Variants in RNLS observed in about 807,000 individuals in gnomAD.
RNLS encodes the protein renalase, FAD dependent amine oxidase.
A neutral mutation model predicts 39.8 loss-of-function variants in RNLS; 39 were observed. That is an observed-to-expected ratio of 0.98 (90% CI 0.76 to 1.28). The LOEUF is 1.28. RNLS is among the 50% of genes most tolerant of loss of function. RNLS has a pLI of 0.00. For missense variants in RNLS, 410 were observed against 413.3 expected (o/e 0.99, Z 0.07); for synonymous variants, 147 against 150.7 (o/e 0.98, Z 0.18).
At chr10:88,246,471 T>G in the RNLS span, among the ~76,000 whole-genome samples, 1 of 152,110 alleles carries the variant, frequency 6.6e-6, no homozygotes, top group Non-Finnish European at 1.5e-5. Context: ...TCACTACTTC[T>G]GGCTTTCCCA....
intron 4 of RNLS, among the ~76,000 whole-genome samples, chr10:88,500,175 C>T (rs891710680): frequency 2.0e-5 from 3 of 152,064 alleles, no homozygotes; most frequent in African/African-American, 2.4e-5. Context: ...AATTTGAGGG[C>T]TTATTCTCAA....
chr10:88,371,970 C>A (rs1480612109), intron 4 of RNLS, among the ~76,000 whole-genome samples: 2 of 152,044 alleles, frequency 1.3e-5, no homozygotes, highest in African/African-American at 4.8e-5. Flanking sequence ...CCCTAACAAT[C>A]AATGCTTTAA....
chr10:88,360,293 G>C (rs1849534298), intron 5 of RNLS, among the ~76,000 whole-genome samples: 1 of 152,192 alleles, frequency 6.6e-6, no homozygotes, highest in African/African-American at 2.4e-5. Flanking sequence ...AACTGGACTT[G>C]TATAGGCTTA....
rs551223418 is a variant in RNLS, at chr10:88,504,968, C to T, written c.526+67935G>A. ...ATCTGGGGGGAGATGATGAAGAAAC[C>T]CGTGGTGCTGCATTTGAACTGGAGT... is the stretch of plus-strand genomic sequence containing the variant. On this transcript the variant is annotated intron_variant, in intron 4 of 6. Coordinates refer to ENST00000331772, the MANE Select transcript of RNLS (RefSeq NM_001031709.3). 6.7e-4 allele frequency among the ~76,000 whole-genome samples: 102 copies of T among 151,186 alleles called. 1 individual carries two copies. In the South Asian group the frequency reaches 7.1e-3, roughly 11 times the overall value.
intron 5 of RNLS, chr10:88,343,610 T>C (rs1299129286): frequency 1.0e-6 from 1 of 985,162 alleles, no homozygotes; most frequent in African/African-American, 1.7e-5. Context: ...TTTTCCTCTA[T>C]TTTCCTTGTA....
intron 4 of RNLS, among the ~76,000 whole-genome samples, chr10:88,525,411 G>A (rs1430634676): frequency 6.6e-6 from 1 of 152,050 alleles, no homozygotes; most frequent in African/African-American, 2.4e-5. Context: ...CAATGCTAAG[G>A]GAAGGTGTTT....
intron 4 of RNLS, among the ~76,000 whole-genome samples, chr10:88,553,819 C>G (rs1295110848): frequency 2.0e-5 from 3 of 152,098 alleles, no homozygotes; most frequent in African/African-American, 7.2e-5. Flanking sequence ...CGTCTAAAAA[C>G]TAGAAAAACA....
At chr10:88,574,177 G>A (rs559671104) in intron 3 of RNLS, among the ~76,000 whole-genome samples, 1 of 152,018 alleles carries the variant, frequency 6.6e-6, no homozygotes, top group East Asian at 1.9e-4. Flanking sequence ...AGTACAATTG[G>A]GTCATTAAGT....
chr10:88,178,490 G>T, the RNLS span, among the ~76,000 whole-genome samples: 6 of 152,118 alleles, frequency 3.9e-5, no homozygotes, highest in African/African-American at 1.2e-4. Flanking sequence ...TCTGTGGTGA[G>T]AATGTGGATT....
chr10:88,581,294 GTATATATA>G (rs61477690), intron 3 of RNLS, among the ~76,000 whole-genome samples: 4 of 129,870 alleles, frequency 3.1e-5, no homozygotes, highest in Admixed American at 8.1e-5. Context: ...GTGTGTGTGT[GTATATATA>G]TATATATATA....
chr10:88,536,927 T>A (rs1847791888), intron 4 of RNLS, among the ~76,000 whole-genome samples: 1 of 152,210 alleles, frequency 6.6e-6, no homozygotes, highest in Non-Finnish European at 1.5e-5. Flanking sequence ...TTATCCAATT[T>A]GTTTATTGTT....
chr10:88,357,276 G>C (rs966289815), intron 5 of RNLS, among the ~76,000 whole-genome samples: 3 of 152,204 alleles, frequency 2.0e-5, no homozygotes, highest in Non-Finnish European at 4.4e-5. Context: ...AAGTTACACA[G>C]CTAGTAAATG....
At position 88,314,449 on chromosome 10, in the gene RNLS, C is replaced by T; in HGVS notation, c.876+17G>A. The stretch of plus-strand genomic sequence containing the variant: ...TAAGAAAATTGTTGTGCTTAGACCA[C>T]TGGATTCTTTGATTACCTGTGAATG... On this transcript the variant is annotated intron_variant, in intron 6 of 6. Transcript: ENST00000331772. The T allele has an allele frequency of 6.2e-7, 1 of 1,612,706 alleles. No individual in the cohort carries two copies.
At chr10:88,456,953 C>T (rs1033837958) in intron 4 of RNLS, among the ~76,000 whole-genome samples, 8 of 152,142 alleles carry the variant, frequency 5.3e-5, no homozygotes, top group Non-Finnish European at 1.0e-4. Context: ...TTGAGTCATA[C>T]TTGTAGGATT....
intron 4 of RNLS, among the ~76,000 whole-genome samples, chr10:88,544,319 C>T (rs1848187865): frequency 6.6e-6 from 1 of 152,158 alleles, no homozygotes; most frequent in South Asian, 2.1e-4. Flanking sequence ...TAAACATCTG[C>T]ATAGTTTTTC....
the RNLS span, among the ~76,000 whole-genome samples, chr10:88,204,064 T>C: frequency 1.3e-5 from 2 of 152,044 alleles, no homozygotes; most frequent in Non-Finnish European, 2.9e-5. Flanking sequence ...AGCCAGTAAA[T>C]AGTGAGATAG....
At chr10:88,182,809 T>C in the RNLS span, among the ~76,000 whole-genome samples, 1 of 152,050 alleles carries the variant, frequency 6.6e-6, no homozygotes, top group Non-Finnish European at 1.5e-5. Flanking sequence ...TTTTGTTTGT[T>C]TTAAATTGGG....
chr10:88,377,447 G>GTACT (rs1851107378), intron 4 of RNLS, among the ~76,000 whole-genome samples: 1 of 152,132 alleles, frequency 6.6e-6, no homozygotes, highest in African/African-American at 2.4e-5. Context: ...ATCATAGAGA[G>GTACT]TACTTACACA....
At chr10:88,573,152 T>C (rs1046230893) in intron 3 of RNLS, 91 bp from the exon 4 acceptor site, 4 of 1,253,902 alleles carry the variant, frequency 3.2e-6, no homozygotes, top group South Asian at 2.9e-5. Context: ...TCCATTCAAG[T>C]GAACAAAATG....
Sources: allele counts gnomAD v4.1 joint callset (sites outside exome capture counted in the v4.1 genomes callset), GRCh38; gene constraint gnomAD v4.1.1; transcripts MANE v1.5; gene names NCBI Gene and HGNC (gene_info 2026-07-23, HGNC 2026-07-21).